APBB1IP: variants seen among roughly 807,000 people sequenced by gnomAD.
APBB1IP encodes the protein amyloid beta A4 precursor protein-binding family B member 1-interacting protein.
In APBB1IP, 27 loss-of-function variants were observed where a neutral mutation model predicts 64.9. The ratio of observed to expected loss-of-function variants is 0.42; its 90% CI spans 0.31 to 0.57. APBB1IP has a LOEUF of 0.57. Ranked by LOEUF, APBB1IP falls within the 20% of genes least tolerant of loss-of-function variation. The pLI is 0.20. For missense variants in APBB1IP, 812 were observed against 845.5 expected (o/e 0.96, Z 0.49); for synonymous variants, 392 against 331.0 (o/e 1.18, Z -2.00).
chr10:26,461,421 A>G (rs183081323), intron 2 of APBB1IP, among the ~76,000 whole-genome samples: 89 of 152,270 alleles, frequency 5.8e-4, no homozygotes, highest in African/African-American at 2.1e-3. Flanking sequence ...TCATACATCA[A>G]ATTTAAATTC....
chr10:26,511,298 C>G (rs1237894166), intron 6 of APBB1IP, among the ~76,000 whole-genome samples: 5 of 151,916 alleles, frequency 3.3e-5, no homozygotes, highest in Non-Finnish European at 7.4e-5. Context: ...GAGCTGAGAT[C>G]ACGCCACTGC....
chr10:26,475,651 C>T (rs779778805), intron 2 of APBB1IP, among the ~76,000 whole-genome samples: 2 of 152,204 alleles, frequency 1.3e-5, no homozygotes, highest in Non-Finnish European at 2.9e-5. Context: ...GTCATTCGAA[C>T]TCCTGACCAC....
intron 5 of APBB1IP, among the ~76,000 whole-genome samples, chr10:26,502,784 G>A (rs1415701168): frequency 6.6e-6 from 1 of 152,174 alleles, no homozygotes; most frequent in Admixed American, 6.5e-5. Flanking sequence ...TCAAATCCCT[G>A]GAGATGTGTC....
chr10:26,490,540 G>A (rs540794184), intron 2 of APBB1IP, among the ~76,000 whole-genome samples: 1 of 152,274 alleles, frequency 6.6e-6, no homozygotes, highest in East Asian at 1.9e-4. Flanking sequence ...CACGAGAGTT[G>A]CTTTAGCCCA....
intron 2 of APBB1IP, among the ~76,000 whole-genome samples, chr10:26,465,859 G>T (rs1835642194): frequency 6.6e-6 from 1 of 152,222 alleles, no homozygotes; most frequent in Non-Finnish European, 1.5e-5. Flanking sequence ...ATTGCCAGAT[G>T]CAGGTGCCCT....
intron 2 of APBB1IP, among the ~76,000 whole-genome samples, chr10:26,462,104 G>A (rs555515769): frequency 1.5e-4 from 23 of 152,280 alleles, no homozygotes; most frequent in African/African-American, 2.4e-4. Flanking sequence ...GTTTGTTTAC[G>A]TAGTGTCTAC....
Position 26,561,064 on chromosome 10 carries a change from C to CTTTTTTT in APBB1IP, c.1369+238_1369+244dup, listed in dbSNP as rs764573338. Among the ~76,000 whole-genome samples, 126 of 69,222 alleles carry CTTTTTTT rather than the reference C, an allele frequency of 1.8e-3. 2 individuals carry two copies. The highest frequency in any genetic ancestry group is 4.1e-3 in the African/African-American group (69 of 16,870). The allele number at this position is 69,222 out of a possible 152,430, so 45.4% of individuals were successfully genotyped here. A position where few individuals can be genotyped will look rare whatever the true frequency, so the allele number is the denominator to read the frequency against. On this transcript the variant is annotated intron_variant, in intron 13 of 14. Coordinates refer to ENST00000376236, the MANE Select transcript of APBB1IP (RefSeq NM_019043.4). Reference sequence around the variant, plus strand: ...CTTTTCTTTTTTTCTTTCTTTCTTTCTTTTTTTTTTTTTTTTTTTTTTTTG... The same window carrying CTTTTTTT: ...CTTTTCTTTTTTTCTTTCTTTCTTTCTTTTTTTTTTTTTTTTTTTTTTTTTTTTTTTG...
At chr10:26,525,683 G>A (rs781007166) in intron 8 of APBB1IP, among the ~76,000 whole-genome samples, 32 of 152,280 alleles carry the variant, frequency 2.1e-4, no homozygotes, top group South Asian at 1.2e-3. Flanking sequence ...GGCTGAGGTC[G>A]CTATTGCAAA....
At position 26,458,272 on chromosome 10, in the gene APBB1IP, C is replaced by T. The variant is rs551595983; in HGVS notation, c.-1+19419C>T. Among the ~76,000 whole-genome samples, 70 of 152,200 alleles carry T rather than the reference C, an allele frequency of 4.6e-4. 1 individual carries two copies. Among genetic ancestry groups the T allele is most frequent in the Non-Finnish European group, 3.7e-4 (25 of 68,014 alleles). ...GCGAGGTGGCATGCACCCTTAGTCC[C>T]AGCTACTTGGAAGGCTGAGGTGGGA... On this transcript the variant is annotated intron_variant, in intron 2 of 14. Coordinates refer to ENST00000376236, the MANE Select transcript of APBB1IP (RefSeq NM_019043.4).
intron 4 of APBB1IP, among the ~76,000 whole-genome samples, chr10:26,499,972 A>C (rs1836076102): frequency 6.6e-6 from 1 of 152,000 alleles, no homozygotes. Flanking sequence ...GCACTTTGGG[A>C]GGCTGAGGTG....
chr10:26,560,792 G>A lies in APBB1IP; in HGVS notation c.1317G>A (p.Arg439=), dbSNP rs1004650625. ...RAVAKAGLAS[R]WTNLGTVNAA... is the part of the protein sequence containing the mutation. ...TGGCAAAGGCTGGACTTGCCTCTCG[G>A]TGGACAAACTTGGGGACAGTCAATG... The change falls in exon 13 of 15, where the codon CGG becomes CGA. Residue 439 remains arginine, a synonymous_variant. Coordinates refer to ENST00000376236, the MANE Select transcript of APBB1IP (RefSeq NM_019043.4). 2 of 1,609,944 alleles carry A rather than the reference G, an allele frequency of 1.2e-6. No individual in the cohort carries two copies. The highest frequency in any genetic ancestry group is 1.7e-6 in the Non-Finnish European group (2 of 1,177,920).
At chr10:26,495,344 G>A (rs1484161761) in intron 3 of APBB1IP, among the ~76,000 whole-genome samples, 2 of 148,436 alleles carry the variant, frequency 1.3e-5, no homozygotes, top group Non-Finnish European at 3.0e-5. Context: ...CTCCTATGGT[G>A]GAGGAGAGTT....
intron 11 of APBB1IP, 157 bp downstream of exon 11, chr10:26,541,849 C>A: frequency 1.9e-6 from 1 of 529,886 alleles, no homozygotes; most frequent in Non-Finnish European, 3.2e-6. Flanking sequence ...CAATTTGGGA[C>A]ATTTTCCCCA....
At chr10:26,531,703 C>T (rs1220447309) in intron 8 of APBB1IP, among the ~76,000 whole-genome samples, 1 of 152,016 alleles carries the variant, frequency 6.6e-6, no homozygotes, top group Non-Finnish European at 1.5e-5. Flanking sequence ...CTTTTTTATG[C>T]ATTGTATTTC....
intron 2 of APBB1IP, among the ~76,000 whole-genome samples, chr10:26,462,090 G>A (rs1589193351): frequency 2.0e-5 from 3 of 152,190 alleles, no homozygotes; most frequent in Admixed American, 1.3e-4. Context: ...CACTAGCCAT[G>A]CTTGTTTGTT....
In APBB1IP at chr10:26,567,314, GCCCGCC is replaced by G; in HGVS notation, c.1832_1837del (p.Ala611_Pro612del). On this transcript the variant is annotated inframe_deletion, in exon 15 of 15. Transcript: ENST00000376236. The stretch of plus-strand genomic sequence containing the variant: ...CGCCGCCGCCGCCGCCCGCGCCCGC[GCCCGCC>G]CCCGTCCCCGACTCCGCCAGGCCGC... 8.3e-7 allele frequency: 1 copy of G among 1,208,622 alleles called. No individual in the cohort carries two copies. Among genetic ancestry groups the G allele is most frequent in the Non-Finnish European group, 1.0e-6 (1 of 956,392 alleles). 74.9% of individuals were successfully genotyped at this position (1,208,622 alleles called of 1,614,324 possible). A position where few individuals can be genotyped will look rare whatever the true frequency, so the allele number is the denominator to read the frequency against.
At position 26,505,718 on chromosome 10, in the gene APBB1IP, C is replaced by T. The variant is rs530011430; in HGVS notation, c.531+2444C>T. 2.4e-4 allele frequency among the ~76,000 whole-genome samples: 36 copies of T among 152,252 alleles called. 1 individual carries two copies. The South Asian group carries it at 7.3e-3, about 31-fold the overall frequency. ...AAAACAAAAGTTGCGCAAGCTCCCA[C>T]CAAGACATCTACCTATCTACCTGCG... On this transcript the variant is annotated intron_variant, in intron 6 of 14. Coordinates refer to ENST00000376236, the MANE Select transcript of APBB1IP (RefSeq NM_019043.4).
intron 6 of APBB1IP, among the ~76,000 whole-genome samples, chr10:26,507,403 G>A (rs1192330753): frequency 1.3e-5 from 2 of 152,182 alleles, no homozygotes; most frequent in Non-Finnish European, 2.9e-5. Flanking sequence ...TGGCTGAGGC[G>A]GGAGGATCCC....
chr10:26,490,399 C>A (rs1045207292), intron 2 of APBB1IP, among the ~76,000 whole-genome samples: 1 of 151,794 alleles, frequency 6.6e-6, no homozygotes, highest in African/African-American at 2.4e-5. Flanking sequence ...CAGAGGCGGG[C>A]GGATCACCTG....
Sources: gnomAD v4.1 joint callset for allele counts (sites outside exome capture counted in the v4.1 genomes callset) on GRCh38, gnomAD v4.1.1 for gene constraint, MANE v1.5 for transcripts, NCBI Gene and HGNC (gene_info 2026-07-23, HGNC 2026-07-21) for gene names.